LARP1B: variants seen among roughly 807,000 people sequenced by gnomAD.
LARP1B encodes the protein La ribonucleoprotein 1B, also known as la-related protein 1B.
Under a neutral mutation model 114.2 loss-of-function variants are expected in LARP1B, and 76 were observed. That is an observed-to-expected ratio of 0.67 (90% CI 0.55 to 0.81). LARP1B has a LOEUF of 0.81. LARP1B is among the 30% of genes least tolerant of loss of function. The probability of loss-of-function intolerance (pLI) is 0.00; values close to 1 mark genes in which losing one functional copy is unlikely to be tolerated. For synonymous variants in LARP1B, 345 were observed against 348.0 expected (o/e 0.99, Z 0.10); for missense variants, 1,014 against 1,075.8 (o/e 0.94, Z 0.80).
At chr4:128,162,348 G>A (rs554477797) in intron 12 of LARP1B, 31 bp downstream of exon 12, 3 of 1,596,942 alleles carry the variant, frequency 1.9e-6, no homozygotes, top group African/African-American at 2.7e-5. Flanking sequence ...GTAAGTGTCT[G>A]AATAGTATTA....
chr4:128,191,571 A>T (rs1416001389), intron 15 of LARP1B, among the ~76,000 whole-genome samples: 1 of 152,138 alleles, frequency 6.6e-6, no homozygotes, highest in African/African-American at 2.4e-5. Context: ...GGATTACCCC[A>T]ACTGTGTGGT....
At chr4:128,200,738 T>G in intron 17 of LARP1B, 73 bp downstream of exon 17, 1 of 1,091,048 alleles carries the variant, frequency 9.2e-7, no homozygotes, top group Non-Finnish European at 1.3e-6. Flanking sequence ...CCCAGGTAGA[T>G]CCGATAGAGG....
At chr4:128,205,178 A>G (rs1456395840) in intron 17 of LARP1B, among the ~76,000 whole-genome samples, 1 of 152,238 alleles carries the variant, frequency 6.6e-6, no homozygotes, top group Non-Finnish European at 1.5e-5. Context: ...TTGCCAGACC[A>G]TCACTCTTCG....
At chr4:128,112,426 T>G (rs1259657270) in intron 9 of LARP1B, among the ~76,000 whole-genome samples, 1 of 151,330 alleles carries the variant, frequency 6.6e-6, no homozygotes, top group East Asian at 1.9e-4. Context: ...CTAGCCACAT[T>G]TGAAGTGATA....
Position 128,209,802 on chromosome 4 carries a change from G to A in LARP1B, c.2548-54G>A, listed in dbSNP as rs1203252139. The A allele has an allele frequency of 2.9e-5, 41 of 1,428,752 alleles. No homozygotes were observed. In the East Asian group the frequency reaches 8.2e-4, roughly 29 times the overall value. The allele number at this position is 1,428,752 out of a possible 1,614,324, so 88.5% of individuals were successfully genotyped here. On this transcript the variant is annotated intron_variant, in intron 19 of 19. Coordinates refer to ENST00000326639, the MANE Select transcript of LARP1B (RefSeq NM_018078.4). ...GGGGAAAAGTCTAGCCTTAGATTCT[G>A]AAGGGAGGAAAAACAGTAAAATTGT...
chr4:128,061,792 G>C, intron 1 of LARP1B: 1 of 984,934 alleles, frequency 1.0e-6, no homozygotes, highest in Non-Finnish European at 1.2e-6. Flanking sequence ...CGAACCGGCC[G>C]GCCGAGCAGC....
chr4:128,065,291 T>A, intron 1 of LARP1B, among the ~76,000 whole-genome samples: 1 of 136,576 alleles, frequency 7.3e-6, no homozygotes, highest in Non-Finnish European at 1.6e-5. Flanking sequence ...CTTTCTTTCT[T>A]TCTTTCTTTC....
intron 5 of LARP1B, among the ~76,000 whole-genome samples, chr4:128,084,220 G>A (rs1395400406): frequency 5.9e-5 from 9 of 152,154 alleles, no homozygotes; most frequent in Non-Finnish European, 1.3e-4. Flanking sequence ...CCCAGACGGG[G>A]TGGCGGCCGG....
At chr4:128,105,528 C>G (rs1180887279) in intron 8 of LARP1B, among the ~76,000 whole-genome samples, 1 of 152,176 alleles carries the variant, frequency 6.6e-6, no homozygotes, top group Non-Finnish European at 1.5e-5. Context: ...CTATCTTTCT[C>G]CATTTTATAT....
At chr4:128,107,756 G>A in intron 9 of LARP1B, 1 of 1,496,470 alleles carries the variant, frequency 6.7e-7, no homozygotes, top group Non-Finnish European at 8.8e-7. Context: ...TTCTAAATTA[G>A]AATTGGGGTT....
downstream of LARP1B, among the ~76,000 whole-genome samples, chr4:128,214,112 CA>C (rs543622216): frequency 0.031 from 4,409 of 142,688 alleles, 102 homozygotes; most frequent in Middle Eastern, 0.069. Context: ...AAAAACGGCG[CA>C]CCACGAGACT....
At chr4:128,219,198 G>A (rs1759778839) in intron 6 of LARP1B, among the ~76,000 whole-genome samples, 1 of 148,348 alleles carries the variant, frequency 6.7e-6, no homozygotes, top group African/African-American at 2.5e-5. Flanking sequence ...CTGTTGGTGG[G>A]ACTGTAAACT....
intron 5 of LARP1B, among the ~76,000 whole-genome samples, chr4:128,084,628 AGG>A (rs974854113): frequency 1.3e-5 from 2 of 150,906 alleles, no homozygotes; most frequent in Non-Finnish European, 3.0e-5. Context: ...GAGAGGGGAG[AGG>A]GGAGGGGGAG....
intron 5 of LARP1B, among the ~76,000 whole-genome samples, chr4:128,086,036 C>CT (rs1773382607): frequency 9.1e-6 from 1 of 109,534 alleles, no homozygotes; most frequent in African/African-American, 3.5e-5. Flanking sequence ...TTTTTTGAGA[C>CT]TGAGTCTCGC....
rs1336085069 is a variant in LARP1B, at chr4:128,209,720, C to CAGA, written c.2548-135_2548-134insGAA. On this transcript the variant is annotated intron_variant, in intron 19 of 19. Coordinates refer to ENST00000326639, the MANE Select transcript of LARP1B (RefSeq NM_018078.4). ...CCTGGGTGACAGAATGAGACTCCAT[C>CAGA]AAAAAAAAAAAAAAAAAAAAAAATT... 438 of 491,472 alleles carry CAGA rather than the reference C, an allele frequency of 8.9e-4. 14 individuals are homozygous for CAGA. Among genetic ancestry groups the CAGA allele is most frequent in the East Asian group, 1.3e-3 (35 of 27,520 alleles). The allele number at this position is 491,472 out of a possible 1,614,324, so 30.4% of individuals were successfully genotyped here. A position where few individuals can be genotyped will look rare whatever the true frequency, so the allele number is the denominator to read the frequency against.
chr4:128,185,740 C>T (rs1431950647), intron 15 of LARP1B, among the ~76,000 whole-genome samples: 2 of 152,112 alleles, frequency 1.3e-5, no homozygotes, highest in Non-Finnish European at 2.9e-5. Flanking sequence ...CTTTTAGCAT[C>T]TAACACAAAA....
chr4:128,108,602 A>T (rs78937673), intron 9 of LARP1B: 14,122 of 985,384 alleles, frequency 0.014, 157 homozygotes, highest in East Asian at 0.1. Flanking sequence ...CCAGTAAGCA[A>T]CTTGGACAGG....
At chr4:128,165,699 T>C (rs1353876044) in intron 12 of LARP1B, among the ~76,000 whole-genome samples, 1 of 152,128 alleles carries the variant, frequency 6.6e-6, no homozygotes, top group Non-Finnish European at 1.5e-5. Flanking sequence ...AATCAGCTAC[T>C]GATAATACCA....
chr4:128,155,563 C>G, intron 11 of LARP1B: 1 of 819,530 alleles, frequency 1.2e-6, no homozygotes, highest in South Asian at 1.3e-5. Flanking sequence ...GCTTCATTTT[C>G]TGGGGCCCAG....
Sources: gnomAD v4.1 joint callset for allele counts (sites outside exome capture counted in the v4.1 genomes callset) on GRCh38, gnomAD v4.1.1 for gene constraint, MANE v1.5 for transcripts, NCBI Gene and HGNC (gene_info 2026-07-23, HGNC 2026-07-21) for gene names.